The following CFAP299 variants were observed in gnomAD, a reference collection of about 807,000 sequenced individuals.
CFAP299 encodes the protein cilia and flagella associated protein 299, also known as cilia- and flagella-associated protein 299.
Under a neutral mutation model 27.0 loss-of-function variants are expected in CFAP299, and 21 were observed. The ratio of observed to expected loss-of-function variants is 0.78; its 90% CI spans 0.55 to 1.12. The LOEUF is 1.12. Ranked by LOEUF, CFAP299 falls within the 50% of genes most tolerant of loss-of-function variation. CFAP299 has a pLI of 0.00. For missense variants in CFAP299, 310 were observed against 276.6 expected (o/e 1.12, Z -0.86); for synonymous variants, 104 against 98.1 (o/e 1.06, Z -0.36).
intron 5 of CFAP299, among the ~76,000 whole-genome samples, chr4:80,955,273 G>A (rs1429007245): frequency 6.6e-6 from 1 of 152,084 alleles, no homozygotes; most frequent in Non-Finnish European, 1.5e-5. Context: ...ATGAGTTGAA[G>A]GTACAGAGAT....
intron 3 of CFAP299, among the ~76,000 whole-genome samples, chr4:80,684,124 A>G (rs1240033029): frequency 6.6e-6 from 1 of 152,192 alleles, no homozygotes; most frequent in South Asian, 2.1e-4. Context: ...AATTTTTGCC[A>G]AAGCGATTAT....
intron 3 of CFAP299, among the ~76,000 whole-genome samples, chr4:80,791,903 A>T (rs1336377620): frequency 6.6e-6 from 1 of 151,898 alleles, no homozygotes; most frequent in Non-Finnish European, 1.5e-5. Context: ...AGCTATTCAC[A>T]TGTGTTCTCA....
At chr4:80,816,542 G>A (rs1166731969) in intron 3 of CFAP299, among the ~76,000 whole-genome samples, 1 of 151,982 alleles carries the variant, frequency 6.6e-6, no homozygotes, top group Non-Finnish European at 1.5e-5. Context: ...CCTCATGCCA[G>A]CTATATTTCT....
chr4:80,902,894 A>G (rs917742511), intron 4 of CFAP299, among the ~76,000 whole-genome samples: 3 of 152,026 alleles, frequency 2.0e-5, no homozygotes, highest in Non-Finnish European at 2.9e-5. Flanking sequence ...TTGTACATAT[A>G]TATATATACA....
chr4:80,872,715 ATTAT>A (rs1733164974), intron 4 of CFAP299: 1 of 165,860 alleles, frequency 6.0e-6, no homozygotes, highest in South Asian at 2.0e-4. Flanking sequence ...TATTTACTTG[ATTAT>A]TTATTAGATT....
intron 3 of CFAP299, among the ~76,000 whole-genome samples, chr4:80,818,256 G>A (rs1729524498): frequency 6.6e-6 from 1 of 152,050 alleles, no homozygotes; most frequent in Non-Finnish European, 1.5e-5. Context: ...TATAGCTGAT[G>A]GACGTTTAGG....
rs34119726 is a variant in CFAP299 at position 80,631,859 on chromosome 4, G to GCCCCCCCCCCCCCCC, written c.333+48680_333+48681insCCCCCCCCCCCCCCC. Among the ~76,000 whole-genome samples, 5 of 21,470 alleles carry GCCCCCCCCCCCCCCC rather than the reference G, an allele frequency of 2.3e-4. 2 individuals carry two copies. The highest frequency in any genetic ancestry group is 2.8e-4 in the Non-Finnish European group (3 of 10,864). The allele number at this position is 21,470 out of a possible 152,430, so 14.1% of individuals were successfully genotyped here. Reference sequence around the variant, plus strand: ...TTAGGCTATCAGTCTGAATATTTGTGCCCCACCCCCCCCCAACCAAATTCA... The same window carrying GCCCCCCCCCCCCCCC: ...TTAGGCTATCAGTCTGAATATTTGTGCCCCCCCCCCCCCCCCCCCACCCCCCCCCAACCAAATTCA... On this transcript the variant is annotated intron_variant, in intron 3 of 5. Coordinates refer to ENST00000358105, the MANE Select transcript of CFAP299 (RefSeq NM_152770.3).
intron 2 of CFAP299, among the ~76,000 whole-genome samples, chr4:80,419,270 C>T (rs1727169019): frequency 6.6e-6 from 1 of 152,188 alleles, no homozygotes; most frequent in African/African-American, 2.4e-5. Flanking sequence ...TGTTGGCATA[C>T]TTCTGGGGTC....
chr4:80,524,622 G>C (rs1003699289), intron 2 of CFAP299, among the ~76,000 whole-genome samples: 6 of 152,002 alleles, frequency 3.9e-5, no homozygotes, highest in African/African-American at 1.4e-4. Flanking sequence ...TTTCAAATTC[G>C]ATATACTCAA....
chr4:80,570,020 T>C (rs979235026), intron 2 of CFAP299, among the ~76,000 whole-genome samples: 6 of 152,002 alleles, frequency 3.9e-5, no homozygotes, highest in African/African-American at 7.2e-5. Context: ...AGTTCTTTTT[T>C]TGACATCAAC....
At chr4:80,338,951 G>A (rs1722300022) in intron 1 of CFAP299, among the ~76,000 whole-genome samples, 12 of 152,188 alleles carry the variant, frequency 7.9e-5, no homozygotes, top group Admixed American at 7.9e-4. Context: ...TGTGCCCCTG[G>A]ACAATGACCT....
intron 2 of CFAP299, among the ~76,000 whole-genome samples, chr4:80,460,676 T>C (rs1729392890): frequency 6.6e-6 from 1 of 152,330 alleles, no homozygotes; most frequent in Non-Finnish European, 1.5e-5. Context: ...TTTGTTAGTG[T>C]AGCTAGTGTT....
chr4:80,667,654 G>A (rs1741208628), intron 3 of CFAP299, among the ~76,000 whole-genome samples: 1 of 151,960 alleles, frequency 6.6e-6, no homozygotes, highest in African/African-American at 2.4e-5. Context: ...CAAATGACAG[G>A]ATTCATTCTT....
intron 2 of CFAP299, among the ~76,000 whole-genome samples, chr4:80,527,652 A>G (rs962179465): frequency 6.6e-6 from 1 of 152,096 alleles, no homozygotes; most frequent in Middle Eastern, 3.4e-3. Context: ...TCTGTTCTCC[A>G]TTTCACCGAA....
intron 2 of CFAP299, among the ~76,000 whole-genome samples, chr4:80,431,198 A>G (rs1727798866): frequency 6.6e-6 from 1 of 152,048 alleles, no homozygotes; most frequent in African/African-American, 2.4e-5. Context: ...CTTGGGCAGG[A>G]TGTTTTATCT....
intron 2 of CFAP299, among the ~76,000 whole-genome samples, chr4:80,488,764 C>G (rs567219482): frequency 3.3e-4 from 51 of 152,314 alleles, no homozygotes; most frequent in African/African-American, 6.0e-4. Flanking sequence ...GCGTGAGCCA[C>G]CGCACCCGGC....
At chr4:80,938,738 A>T (rs1009073501) in intron 4 of CFAP299, among the ~76,000 whole-genome samples, 5 of 152,130 alleles carry the variant, frequency 3.3e-5, no homozygotes, top group Admixed American at 1.3e-4. Context: ...CTTTACCAGT[A>T]AGTTTTATAC....
At chr4:80,720,403 A>G (rs1261840897) in intron 3 of CFAP299, among the ~76,000 whole-genome samples, 1 of 152,216 alleles carries the variant, frequency 6.6e-6, no homozygotes, top group Non-Finnish European at 1.5e-5. Flanking sequence ...ATCCTAGATT[A>G]AATGTTTCTC....
At chr4:80,878,237 T>C (rs751964304) in intron 4 of CFAP299, among the ~76,000 whole-genome samples, 16 of 152,136 alleles carry the variant, frequency 1.1e-4, no homozygotes, top group Non-Finnish European at 4.4e-5. Context: ...TGTGATGACA[T>C]TGACGTTTTA....
Sources: gnomAD v4.1 joint callset for allele counts (sites outside exome capture counted in the v4.1 genomes callset) on GRCh38, gnomAD v4.1.1 for gene constraint, MANE v1.5 for transcripts, NCBI Gene and HGNC (gene_info 2026-07-23, HGNC 2026-07-21) for gene names.